Variants in GLI2 observed in about 807,000 individuals in gnomAD.
GLI2 encodes the protein GLI family zinc finger 2, also known as transcription activator GLI2.
GLI2 carries 22 observed loss-of-function variants against 78.9 expected under a neutral mutation model. The observed-to-expected ratio is 0.28, with a 90% CI of 0.20 to 0.40. The LOEUF (loss-of-function observed/expected upper bound fraction) is 0.40. Ranked by LOEUF, GLI2 falls within the 10% of genes least tolerant of loss-of-function variation. The pLI, the probability that GLI2 is intolerant of heterozygous loss-of-function variation, is 1.00. For missense variants in GLI2, 2,097 were observed against 2,213.2 expected (o/e 0.95, Z 1.05); for synonymous variants, 974 against 963.7 (o/e 1.01, Z -0.20).
At chr2:120,971,821 T>C in intron 7 of GLI2, 120 bp from the exon 8 acceptor site, 4 of 888,662 alleles carry the variant, frequency 4.5e-6, no homozygotes, top group South Asian at 4.1e-5. Context: ...TCTGATACTT[T>C]AAACACAGGG....
At chr2:120,885,256 C>T (rs1320071546) in intron 2 of GLI2, among the ~76,000 whole-genome samples, 6 of 152,188 alleles carry the variant, frequency 3.9e-5, no homozygotes, top group Non-Finnish European at 8.8e-5. Flanking sequence ...ATGGAAGAGA[C>T]CCAGTAAATA....
At chr2:120,753,053 C>T (rs1682923880) in intron 1 of GLI2, among the ~76,000 whole-genome samples, 1 of 149,122 alleles carries the variant, frequency 6.7e-6, no homozygotes, top group Non-Finnish European at 1.5e-5. Context: ...GGGTGTAAAA[C>T]TTCGGGGTAT....
At chr2:120,832,680 C>G (rs1008683612) in intron 2 of GLI2, among the ~76,000 whole-genome samples, 7 of 152,200 alleles carry the variant, frequency 4.6e-5, no homozygotes, top group Admixed American at 3.9e-4. Flanking sequence ...ATGAGAAAAT[C>G]TGTGACTTTC....
chr2:120,893,789 G>A (rs747733609), intron 2 of GLI2, among the ~76,000 whole-genome samples: 4 of 152,172 alleles, frequency 2.6e-5, no homozygotes, highest in Admixed American at 6.5e-5. Flanking sequence ...GCAGTTGGGC[G>A]AGGAAGCGGA....
intron 3 of GLI2, among the ~76,000 whole-genome samples, chr2:120,946,106 G>GC (rs1558904263): frequency 6.6e-6 from 1 of 152,150 alleles, no homozygotes. Flanking sequence ...TCTCTGAGAA[G>GC]CCTTCCTGCA....
At chr2:120,944,597 C>G (rs1021075123) in intron 3 of GLI2, among the ~76,000 whole-genome samples, 4 of 152,206 alleles carry the variant, frequency 2.6e-5, no homozygotes, top group Admixed American at 2.6e-4. Flanking sequence ...CCAACCTTCT[C>G]GAGAACTGAG....
intron 5 of GLI2, among the ~76,000 whole-genome samples, chr2:120,955,698 A>G (rs1029243165): frequency 2.0e-5 from 3 of 152,220 alleles, no homozygotes; most frequent in African/African-American, 7.2e-5. Context: ...ACAGATGCCA[A>G]GTAGCTCTAG....
intron 1 of GLI2, among the ~76,000 whole-genome samples, chr2:120,755,638 T>G (rs1361975170): frequency 6.6e-6 from 1 of 152,128 alleles, no homozygotes; most frequent in African/African-American, 2.4e-5. Flanking sequence ...CATTTGGAAT[T>G]TCATCTAAGA....
At chr2:120,951,086 C>T (rs1224486625) in intron 3 of GLI2, among the ~76,000 whole-genome samples, 157 bp from the exon 4 acceptor site, 1 of 152,208 alleles carries the variant, frequency 6.6e-6, no homozygotes, top group Non-Finnish European at 1.5e-5. Context: ...CTGTAATTCA[C>T]AGATGACCAG....
chr2:120,807,241 G>A (rs1301177436), intron 2 of GLI2, among the ~76,000 whole-genome samples: 1 of 152,120 alleles, frequency 6.6e-6, no homozygotes, highest in Non-Finnish European at 1.5e-5. Flanking sequence ...GGTGAGGTTT[G>A]AACCCTTGCC....
intron 3 of GLI2, among the ~76,000 whole-genome samples, chr2:120,935,791 G>GGACA (rs1401772194): frequency 2.0e-5 from 3 of 152,194 alleles, no homozygotes; most frequent in Non-Finnish European, 4.4e-5. Flanking sequence ...GGGCTGCGTG[G>GGACA]GACAGACAGC....
chr2:120,972,506 T>G (rs1682235436), intron 8 of GLI2, among the ~76,000 whole-genome samples: 1 of 152,184 alleles, frequency 6.6e-6, no homozygotes, highest in Non-Finnish European at 1.5e-5. Context: ...CTGATTCTCC[T>G]GGGTGATAGG....
chr2:120,784,473 G>A (rs544139966), intron 1 of GLI2, among the ~76,000 whole-genome samples: 15 of 152,172 alleles, frequency 9.9e-5, no homozygotes, highest in African/African-American at 3.6e-4. Flanking sequence ...TAAAGGGCGA[G>A]TCCTGAGTTG....
At chr2:120,833,979 C>T (rs918268811) in intron 2 of GLI2, among the ~76,000 whole-genome samples, 2 of 152,196 alleles carry the variant, frequency 1.3e-5, no homozygotes, top group Admixed American at 1.3e-4. Flanking sequence ...GCTCACAGCA[C>T]ACTGGCCTAA....
chr2:120,980,002 TC>T, intron 10 of GLI2, among the ~76,000 whole-genome samples: 1 of 152,372 alleles, frequency 6.6e-6, no homozygotes, highest in South Asian at 2.1e-4. Context: ...TGCATAATAC[TC>T]CATTGTATGG....
chr2:120,921,776 GA>G (rs1220107187), intron 2 of GLI2, among the ~76,000 whole-genome samples: 1 of 152,084 alleles, frequency 6.6e-6, no homozygotes, highest in Non-Finnish European at 1.5e-5. Context: ...AGATTGCTCA[GA>G]AAAAAATCCC....
chr2:120,760,227 C>T (rs1683172716), intron 1 of GLI2, among the ~76,000 whole-genome samples: 1 of 152,122 alleles, frequency 6.6e-6, no homozygotes, highest in East Asian at 1.9e-4. Context: ...TAGTCTGGGG[C>T]CCATCCCAAC....
rs1026078925 is a variant in GLI2, at chr2:120,957,695, C to T, written c.643+2265C>T. 1.1e-4 allele frequency among the ~76,000 whole-genome samples: 17 copies of T among 152,204 alleles called. No homozygotes were observed. In the South Asian group the frequency reaches 1.7e-3, roughly 15 times the overall value. The stretch of plus-strand genomic sequence containing the variant: ...CTAAGCCAGGCAGCCGGGAGTCATC[C>T]AGTGATTTTCAGCATGAGCGTCTGT... On this transcript the variant is annotated intron_variant, in intron 5 of 13. Coordinates refer to ENST00000361492, the MANE Select transcript of GLI2 (RefSeq NM_001374353.1).
intron 2 of GLI2, among the ~76,000 whole-genome samples, chr2:120,822,827 C>T (rs1027276489): frequency 1.3e-5 from 2 of 152,212 alleles, no homozygotes; most frequent in Non-Finnish European, 2.9e-5. Flanking sequence ...GGAAATGGTA[C>T]GAATGCAACC....
Sources: gnomAD v4.1 joint callset for allele counts (sites outside exome capture counted in the v4.1 genomes callset) on GRCh38, gnomAD v4.1.1 for gene constraint, MANE v1.5 for transcripts, NCBI Gene and HGNC (gene_info 2026-07-23, HGNC 2026-07-21) for gene names.